Variants in CLEC2A observed in about 807,000 individuals in gnomAD.
The protein encoded by CLEC2A is keratinocyte-associated C-type lectin.
A neutral mutation model predicts 18.6 loss-of-function variants in CLEC2A; 19 were observed. That is an observed-to-expected ratio of 1.02 (90% CI 0.71 to 1.50). CLEC2A has a LOEUF of 1.50. Ranked by LOEUF, CLEC2A falls within the 40% of genes most tolerant of loss-of-function variation. CLEC2A has a pLI of 0.00. For synonymous variants in CLEC2A, 74 were observed against 64.0 expected, an observed-to-expected ratio of 1.16 and a Z score of -0.75; for missense variants, 190 against 207.9, an observed-to-expected ratio of 0.91 and a Z score of 0.53.
intron 4 of CLEC2A, among the ~76,000 whole-genome samples, chr12:9,902,229 T>C (rs559768505): frequency 3.4e-5 from 5 of 145,838 alleles, no homozygotes; most frequent in African/African-American, 1.3e-4. Context: ...AGCCAAGGTT[T>C]GCCATTTTTT....
the CLEC2A span, chr12:9,893,286 T>A: frequency 1.1e-6 from 1 of 948,290 alleles, no homozygotes; most frequent in Non-Finnish European, 1.5e-6. Flanking sequence ...TTAGCCACAA[T>A]GTAGTCACTA....
chr12:9,881,124 T>A, the CLEC2A span, among the ~76,000 whole-genome samples: 2 of 152,268 alleles, frequency 1.3e-5, no homozygotes, highest in Non-Finnish European at 2.9e-5. Context: ...ATTTGGACTC[T>A]ACTAGTCAAA....
chr12:9,886,751 C>A, the CLEC2A span, among the ~76,000 whole-genome samples: 2 of 143,162 alleles, frequency 1.4e-5, no homozygotes, highest in South Asian at 4.6e-4. Context: ...TGGATTTTGC[C>A]CCTATATCAT....
intron 4 of CLEC2A, among the ~76,000 whole-genome samples, chr12:9,900,271 G>A (rs1231238078): frequency 1.3e-5 from 2 of 152,198 alleles, no homozygotes; most frequent in East Asian, 1.9e-4. Flanking sequence ...TTTCTGACCT[G>A]AAGCCAGACA....
chr12:9,922,098 C>T lies in CLEC2A; in HGVS notation c.274G>A (p.Glu92Lys). ...SKIFCSLQKAELAQIDTQEDM... is the reference protein window; with the variant it reads ...SKIFCSLQKAKLAQIDTQEDM... Reference sequence around the variant, plus strand: ...TCTTGTGTATCAATCTGAGCAAGTTCTGCTTTCTGCAAACTACAAAATATT... The same window carrying T: ...TCTTGTGTATCAATCTGAGCAAGTTTTGCTTTCTGCAAACTACAAAATATT... The change falls in exon 3 of 5, where the codon GAA becomes AAA. Residue 92 changes from glutamate (E) to lysine (K), a missense_variant. Coordinates refer to ENST00000455827, the MANE Select transcript of CLEC2A (RefSeq NM_001130711.2). The T allele has an allele frequency of 1.3e-6, 2 of 1,550,054 alleles. No individual in the cohort carries two copies. The highest frequency in any genetic ancestry group is 1.2e-5 in the South Asian group (1 of 83,624).
At chr12:9,924,347 A>G (rs1392760281) in intron 2 of CLEC2A, among the ~76,000 whole-genome samples, 1 of 152,122 alleles carries the variant, frequency 6.6e-6, no homozygotes, top group African/African-American at 2.4e-5. Context: ...TAACTTCCAG[A>G]TGTTTAGACA....
chr12:9,900,120 C>T (rs866175721), intron 4 of CLEC2A, among the ~76,000 whole-genome samples: 1 of 152,252 alleles, frequency 6.6e-6, no homozygotes, highest in Middle Eastern at 3.4e-3. Context: ...TTGGTTAGCT[C>T]CCTTTGTCTT....
At chr12:9,881,667 T>C in the CLEC2A span, 10 of 1,531,624 alleles carry the variant, frequency 6.5e-6, no homozygotes, top group South Asian at 1.2e-5. Flanking sequence ...AATCTAAAGG[T>C]AGGAATACTG....
chr12:9,930,286 A>C (rs1479565458), intron 1 of CLEC2A, among the ~76,000 whole-genome samples: 5 of 152,274 alleles, frequency 3.3e-5, no homozygotes, highest in South Asian at 4.1e-4. Flanking sequence ...CTATCTCCAA[A>C]CCAGATCACA....
At chr12:9,925,656 G>T (rs1221349445) in intron 2 of CLEC2A, among the ~76,000 whole-genome samples, 1 of 68,816 alleles carries the variant, frequency 1.5e-5, no homozygotes, top group East Asian at 4.6e-4. Flanking sequence ...GTTTATGTGG[G>T]ATTTTTTTTT....
chr12:9,901,257 G>A (rs1862825264), intron 4 of CLEC2A, among the ~76,000 whole-genome samples: 1 of 152,070 alleles, frequency 6.6e-6, no homozygotes, highest in South Asian at 2.1e-4. Context: ...AGTTATCAGA[G>A]ATCTGTATTT....
rs961610201 is a variant in CLEC2A at position 9,921,937 on chromosome 12, A to G, written c.306+129T>C. 5.9e-5 allele frequency: 44 copies of G among 742,764 alleles called. 1 individual carries two copies. The highest frequency in any genetic ancestry group is 2.8e-5 in the Non-Finnish European group (14 of 497,342). The allele number at this position is 742,764 out of a possible 1,614,324, so 46.0% of individuals were successfully genotyped here. A position where few individuals can be genotyped will look rare whatever the true frequency, so the allele number is the denominator to read the frequency against. ...GCAGAGGAAAAATAATCCAGGTATA[A>G]GTGAACCCACACAGTTCAAACCCAT... On this transcript the variant is annotated intron_variant, in intron 3 of 4. Coordinates refer to ENST00000455827, the MANE Select transcript of CLEC2A (RefSeq NM_001130711.2).
At chr12:9,909,731 G>A (rs566370056), downstream of CLEC2A, among the ~76,000 whole-genome samples, 34 of 152,272 alleles carry the variant, frequency 2.2e-4, no homozygotes, top group East Asian at 3.7e-3. Context: ...AGTCCTTTTA[G>A]AGAAGAGTAT....
At chr12:9,902,870 A>C (rs1862853274) in intron 4 of CLEC2A, among the ~76,000 whole-genome samples, 1 of 152,186 alleles carries the variant, frequency 6.6e-6, no homozygotes, top group African/African-American at 2.4e-5. Flanking sequence ...CACAACCTAA[A>C]TTAGTCCCAG....
At chr12:9,929,901 T>G (rs1390291543) in intron 1 of CLEC2A, among the ~76,000 whole-genome samples, 1 of 152,136 alleles carries the variant, frequency 6.6e-6, no homozygotes, top group Non-Finnish European at 1.5e-5. Context: ...CTATAATTAT[T>G]TATTTCTTCT....
At chr12:9,900,590 A>C in intron 4 of CLEC2A, among the ~76,000 whole-genome samples, 1 of 152,180 alleles carries the variant, frequency 6.6e-6, no homozygotes, top group East Asian at 1.9e-4. Flanking sequence ...AGACCTTTTA[A>C]AGCCCAGCCC....
rs1862790487 is a variant in CLEC2A at position 9,899,029 on chromosome 12, A to G, written c.411-53T>C. ...TATTAGAAAACATATATCAAAACGA[A>G]ACAAAACAAGGGGAGGAGTAAGAAT... On this transcript the variant is annotated intron_variant, in intron 4 of 4. Transcript: ENST00000339766. The G allele has an allele frequency of 7.2e-6, 5 of 695,270 alleles. No homozygotes were observed. The Admixed American group carries it at 1.0e-4, about 14-fold the overall frequency. 43.1% of individuals were successfully genotyped at this position (695,270 alleles called of 1,614,324 possible).
At chr12:9,931,949 G>A (rs1317769693) in intron 1 of CLEC2A, among the ~76,000 whole-genome samples, 4 of 152,202 alleles carry the variant, frequency 2.6e-5, no homozygotes, top group African/African-American at 9.7e-5. Context: ...CTTCCAGAGT[G>A]AAGCATTTGC....
intron 4 of CLEC2A, among the ~76,000 whole-genome samples, chr12:9,907,947 A>AT (rs1250032442): frequency 6.6e-6 from 1 of 152,166 alleles, no homozygotes; most frequent in Non-Finnish European, 1.5e-5. Flanking sequence ...GTTAGGGACA[A>AT]AAGGATAAGT....
Sources: allele counts gnomAD v4.1 joint callset (sites outside exome capture counted in the v4.1 genomes callset), GRCh38; gene constraint gnomAD v4.1.1; transcripts MANE v1.5; gene names NCBI Gene and HGNC (gene_info 2026-07-23, HGNC 2026-07-21).